SPRED2: variants seen among roughly 807,000 people sequenced by gnomAD.
SPRED2 encodes sprouty-related, EVH1 domain-containing protein 2.
SPRED2 carries 47 observed loss-of-function variants against 43.0 expected under a neutral mutation model. The observed-to-expected ratio is 1.09, with a 90% CI of 0.87 to 1.40. SPRED2 has a LOEUF of 1.40. SPRED2 is among the 40% of genes most tolerant of loss of function. The probability of loss-of-function intolerance (pLI) is 0.00; values close to 1 mark genes in which losing one functional copy is unlikely to be tolerated. For missense variants in SPRED2, 561 were observed against 586.4 expected, an observed-to-expected ratio of 0.96 and a Z score of 0.45; for synonymous variants, 225 against 225.7, an observed-to-expected ratio of 1.00 and a Z score of 0.03.
At chr2:65,382,138 G>A (rs1675387241) in intron 1 of SPRED2, among the ~76,000 whole-genome samples, 1 of 152,216 alleles carries the variant, frequency 6.6e-6, no homozygotes, top group Admixed American at 6.5e-5. Context: ...AGCTACTGGA[G>A]CAGCCTGACC....
At chr2:65,342,227 TTATG>T (rs1324470527) in intron 2 of SPRED2, among the ~76,000 whole-genome samples, 4 of 146,464 alleles carry the variant, frequency 2.7e-5, no homozygotes, top group South Asian at 2.1e-4. Context: ...TATACGTATA[TTATG>T]TATGTATATT....
intron 1 of SPRED2, among the ~76,000 whole-genome samples, chr2:65,361,139 A>C (rs1304409740): frequency 1.3e-5 from 2 of 152,258 alleles, no homozygotes; most frequent in African/African-American, 4.8e-5. Flanking sequence ...ATATGTCCCC[A>C]TTATGCAAAC....
Position 65,393,203 on chromosome 2 carries a change from G to A in SPRED2, c.26+38759C>T, listed in dbSNP as rs577894791. 1.5e-3 allele frequency among the ~76,000 whole-genome samples: 235 copies of A among 152,066 alleles called. 9 individuals are homozygous for A. Among genetic ancestry groups the A allele is most frequent in the Non-Finnish European group, 1.3e-3 (87 of 68,018 alleles). On this transcript the variant is annotated intron_variant, in intron 1 of 5. Transcript: ENST00000356388. ...ACTATTGTAAAAAACCCAATGTTGCGAATGTGGCATCTCTCCCCAGCCTGA... is the reference window on the plus strand; with the variant it reads ...ACTATTGTAAAAAACCCAATGTTGCAAATGTGGCATCTCTCCCCAGCCTGA...
At chr2:65,342,615 G>A (rs1458452537) in intron 2 of SPRED2, among the ~76,000 whole-genome samples, 6 of 152,024 alleles carry the variant, frequency 3.9e-5, no homozygotes, top group East Asian at 1.9e-4. Context: ...TATAATAAAC[G>A]TGGAAAATTC....
chr2:65,307,800 C>T, downstream of SPRED2, among the ~76,000 whole-genome samples: 1 of 152,304 alleles, frequency 6.6e-6, no homozygotes, highest in East Asian at 1.9e-4. Context: ...AGGGTCATTG[C>T]CCTTCATTCC....
intron 1 of SPRED2, among the ~76,000 whole-genome samples, chr2:65,350,828 T>C (rs1427023040): frequency 6.6e-6 from 1 of 152,190 alleles, no homozygotes; most frequent in Non-Finnish European, 1.5e-5. Context: ...CAAGGAAGTG[T>C]AGGAGATGAC....
rs1013072945 is a variant in SPRED2 at position 65,402,304 on chromosome 2, A to C, written c.26+29658T>G. 5.7e-5 allele frequency among the ~76,000 whole-genome samples: 8 copies of C among 141,016 alleles called. No homozygotes were observed. The Admixed American group carries it at 6.0e-4, about 11-fold the overall frequency. 92.5% of individuals were successfully genotyped at this position (141,016 alleles called of 152,430 possible). On this transcript the variant is annotated intron_variant, in intron 1 of 5. Coordinates refer to ENST00000356388, the MANE Select transcript of SPRED2 (RefSeq NM_181784.3). Reference sequence around the variant, plus strand: ...AAAAAAAAAAAAAAAAAAAAAAAAAAACCAAAAACAAAATAATGCTATTGG... The same window carrying C: ...AAAAAAAAAAAAAAAAAAAAAAAAACACCAAAAACAAAATAATGCTATTGG...
Position 65,432,255 on chromosome 2 carries a change from G to T in SPRED2, c.-268C>A. On this transcript the variant is annotated 5_prime_UTR_variant, in exon 1 of 6. Coordinates refer to ENST00000356388, the MANE Select transcript of SPRED2 (RefSeq NM_181784.3). The stretch of plus-strand genomic sequence containing the variant: ...GGAGGCTCCGGGGGCTCGGGAGCGG[G>T]CAGAGGGGGCGAGATTTGGGAAGGG... The T allele has an allele frequency of 2.0e-6, 1 of 510,270 alleles. No homozygotes were observed. The highest frequency in any genetic ancestry group is 3.5e-6 in the Non-Finnish European group (1 of 281,812). The allele number at this position is 510,270 out of a possible 1,614,324, so 31.6% of individuals were successfully genotyped here.
At chr2:65,360,101 A>AAAAAAAAAAAAAAAAAAACC (rs1674768482) in intron 1 of SPRED2, among the ~76,000 whole-genome samples, 3 of 12,608 alleles carry the variant, frequency 2.4e-4, no homozygotes, top group Non-Finnish European at 5.9e-4. Flanking sequence ...AAAAAAAAAC[A>AAAAAAAAAAAAAAAAAAACC]AAAAAAAAAA....
At chr2:65,377,141 T>C (rs1158839438) in intron 1 of SPRED2, among the ~76,000 whole-genome samples, 1 of 152,224 alleles carries the variant, frequency 6.6e-6, no homozygotes, top group African/African-American at 2.4e-5. Context: ...TTTTCCAAAC[T>C]TTTTGCTGTT....
At chr2:65,429,064 C>T (rs181515389) in intron 1 of SPRED2, among the ~76,000 whole-genome samples, 24 of 152,218 alleles carry the variant, frequency 1.6e-4, no homozygotes, top group Admixed American at 1.4e-3. Context: ...CCATTATCAA[C>T]AAGAGCAAAG....
intron 2 of SPRED2, among the ~76,000 whole-genome samples, chr2:65,343,624 A>G (rs1298360815): frequency 6.6e-6 from 1 of 151,970 alleles, no homozygotes. Flanking sequence ...CTGAGTATAC[A>G]CTCCATGATC....
chr2:65,336,350 C>T (rs1004277579), intron 2 of SPRED2, among the ~76,000 whole-genome samples: 4 of 152,136 alleles, frequency 2.6e-5, no homozygotes, highest in African/African-American at 9.7e-5. Flanking sequence ...GAGTGAGACT[C>T]TGTCTCAACA....
chr2:65,406,073 T>C (rs957102948), intron 1 of SPRED2, among the ~76,000 whole-genome samples: 6 of 152,194 alleles, frequency 3.9e-5, no homozygotes. Context: ...TCCCCAGGCC[T>C]CAGAGTCCTC....
chr2:65,421,659 T>G (rs1053017651), intron 1 of SPRED2, among the ~76,000 whole-genome samples: 1 of 152,224 alleles, frequency 6.6e-6, no homozygotes, highest in African/African-American at 2.4e-5. Context: ...TTTGTAGAGT[T>G]GCTGTTTATA....
Position 65,313,133 on chromosome 2 carries a change from C to T in SPRED2, c.*368G>A, listed in dbSNP as rs1673115769. On this transcript the variant is annotated 3_prime_UTR_variant, in exon 6 of 6. Coordinates refer to ENST00000356388, the MANE Select transcript of SPRED2 (RefSeq NM_181784.3). The stretch of plus-strand genomic sequence containing the variant: ...AAAACCCACCGAAAATCAGCAGTTC[C>T]AATTGCAGACTCCTTTGAACTGGAA... The T allele has an allele frequency of 9.9e-7, 1 of 1,011,218 alleles. No homozygotes were observed. Among genetic ancestry groups the T allele is most frequent in the Non-Finnish European group, 1.2e-6 (1 of 847,504 alleles). The allele number at this position is 1,011,218 out of a possible 1,614,324, so 62.6% of individuals were successfully genotyped here.
rs1363499877 is a variant in SPRED2 at position 65,311,299 on chromosome 2, C to T, written c.*2202G>A. The T allele has an allele frequency of 2.0e-6, 2 of 985,660 alleles. No individual in the cohort carries two copies. The highest frequency in any genetic ancestry group is 2.4e-6 in the Non-Finnish European group (2 of 829,938). 61.1% of individuals were successfully genotyped at this position (985,660 alleles called of 1,614,324 possible). ...AATGTCCCCATGGCTGTCTTTGTGCCCTTAACCGATGCCTTCACAAACCAA... is the reference window on the plus strand; with the variant it reads ...AATGTCCCCATGGCTGTCTTTGTGCTCTTAACCGATGCCTTCACAAACCAA... On this transcript the variant is annotated 3_prime_UTR_variant, in exon 6 of 6. Coordinates refer to ENST00000356388, the MANE Select transcript of SPRED2 (RefSeq NM_181784.3).
chr2:65,314,311 G>C (rs559601953), intron 5 of SPRED2, 142 bp from the exon 6 acceptor site: 81 of 779,336 alleles, frequency 1.0e-4, no homozygotes, highest in South Asian at 3.4e-4. Flanking sequence ...TGAAGAAACA[G>C]ACCCTTCCTG....
intron 1 of SPRED2, among the ~76,000 whole-genome samples, chr2:65,420,708 A>C (rs757602320): frequency 2.6e-5 from 4 of 152,208 alleles, no homozygotes; most frequent in Non-Finnish European, 5.9e-5. Context: ...ATTTAAGTGC[A>C]ATTTGCCAAG....
Sources: gnomAD v4.1 joint callset for allele counts (sites outside exome capture counted in the v4.1 genomes callset) on GRCh38, gnomAD v4.1.1 for gene constraint, MANE v1.5 for transcripts, NCBI Gene and HGNC (gene_info 2026-07-23, HGNC 2026-07-21) for gene names.